The following SLCO2B1 variants were observed in gnomAD, a reference collection of about 807,000 sequenced individuals.
The protein encoded by SLCO2B1 is OATP-RP2.
In SLCO2B1, 41 loss-of-function variants were observed where a neutral mutation model predicts 67.3. That is an observed-to-expected ratio of 0.61 (90% CI 0.47 to 0.79). The LOEUF is 0.79. Among genes scored for constraint, SLCO2B1 ranks in the 30% least tolerant of loss-of-function variants. SLCO2B1 has a pLI of 0.00. For missense variants in SLCO2B1, 837 were observed against 920.1 expected (o/e 0.91, Z 1.17); for synonymous variants, 379 against 381.4 (o/e 0.99, Z 0.07).
chr11:75,172,318 G>A, intron 6 of SLCO2B1, 61 bp from the exon 7 acceptor site: 2 of 1,481,130 alleles, frequency 1.4e-6, no homozygotes, highest in South Asian at 2.6e-5. Flanking sequence ...TCCCAGGATG[G>A]CGGCTTAGAA....
chr11:75,189,390 G>T (rs1259322891), intron 8 of SLCO2B1, among the ~76,000 whole-genome samples: 1 of 152,156 alleles, frequency 6.6e-6, no homozygotes, highest in East Asian at 1.9e-4. Context: ...TGCTCTGCCT[G>T]TCTCAAGGGC....
chr11:75,197,097 C>CAA (rs1212591282), intron 10 of SLCO2B1, among the ~76,000 whole-genome samples: 4 of 152,338 alleles, frequency 2.6e-5, no homozygotes, highest in African/African-American at 9.6e-5. Flanking sequence ...GTCTGGGCAA[C>CAA]AAGAGTGAAA....
intron 7 of SLCO2B1, among the ~76,000 whole-genome samples, chr11:75,177,310 C>G (rs1265867965): frequency 6.6e-6 from 1 of 152,190 alleles, no homozygotes; most frequent in Non-Finnish European, 1.5e-5. Context: ...ACCAGCTGAG[C>G]TAGTCCAATA....
Position 75,193,617 on chromosome 11 carries a change from C to G in SLCO2B1, c.1433+42C>G, listed in dbSNP as rs757422537. The stretch of plus-strand genomic sequence containing the variant: ...GCACGTAAAGGCAAGCCTGGGAGGA[C>G]AGGACAGGGAGGACAGGGGCCCTGG... On this transcript the variant is annotated intron_variant, in intron 9 of 13. Coordinates refer to ENST00000289575, the MANE Select transcript of SLCO2B1 (RefSeq NM_007256.5). This position sits in a 1 kb window ranked among gnomAD's most constrained non-coding sequence, Gnocchi z 4.2. 14 of 1,495,572 alleles carry G rather than the reference C, an allele frequency of 9.4e-6. 1 individual carries two copies. The South Asian group carries it at 1.0e-4, about 11-fold the overall frequency. 92.6% of individuals were successfully genotyped at this position (1,495,572 alleles called of 1,614,324 possible).
intron 10 of SLCO2B1, 79 bp downstream of exon 10, chr11:75,196,758 A>G: frequency 4.7e-6 from 6 of 1,281,810 alleles, no homozygotes; most frequent in Non-Finnish European, 6.5e-6. Flanking sequence ...CATACTCTCC[A>G]CTTCTGCATG....
intron 10 of SLCO2B1, among the ~76,000 whole-genome samples, chr11:75,197,040 C>G (rs764492381): frequency 6.6e-6 from 1 of 152,162 alleles, no homozygotes; most frequent in African/African-American, 2.4e-5. Flanking sequence ...CACTTGAATC[C>G]GGGAGGCGGA....
chr11:75,187,227 T>C (rs1048504752), intron 7 of SLCO2B1, among the ~76,000 whole-genome samples: 3 of 152,180 alleles, frequency 2.0e-5, no homozygotes, highest in African/African-American at 7.2e-5. Context: ...CCGTTATTTA[T>C]CATTATTTCC....
intron 1 of SLCO2B1, among the ~76,000 whole-genome samples, chr11:75,161,801 G>A (rs956373281): frequency 6.6e-6 from 1 of 152,102 alleles, no homozygotes; most frequent in African/African-American, 2.4e-5. Context: ...TTGGACTTCT[G>A]GGCTCCCCAC....
At chr11:75,178,080 C>T (rs1591822256) in intron 7 of SLCO2B1, among the ~76,000 whole-genome samples, 1 of 131,306 alleles carries the variant, frequency 7.6e-6, no homozygotes, top group South Asian at 2.4e-4. Flanking sequence ...GACAACAGAG[C>T]AAGATTCCAT....
chr11:75,186,240 GCT>G (rs1316574190), intron 7 of SLCO2B1, among the ~76,000 whole-genome samples: 1 of 149,916 alleles, frequency 6.7e-6, no homozygotes, highest in Non-Finnish European at 1.5e-5. Context: ...AGGGAGTCTC[GCT>G]CTGTTGCCCA....
chr11:75,179,679 T>C (rs1474631215), intron 7 of SLCO2B1, among the ~76,000 whole-genome samples: 1 of 152,252 alleles, frequency 6.6e-6, no homozygotes, highest in Non-Finnish European at 1.5e-5. Context: ...ATAGAATGCA[T>C]CATTTCTTTG....
At position 75,169,168 on chromosome 11, in the gene SLCO2B1, C is replaced by T; in HGVS notation, c.449-5C>T. The T allele has an allele frequency of 6.2e-7, 1 of 1,607,688 alleles. No homozygotes were observed. The highest frequency in any genetic ancestry group is 8.5e-7 in the Non-Finnish European group (1 of 1,175,150). ...TTATAATATTTTTTCATTGTCGTCTCTCAGAGGATATGCCACAGGACTTCA... is the reference window on the plus strand; with the variant it reads ...TTATAATATTTTTTCATTGTCGTCTTTCAGAGGATATGCCACAGGACTTCA... On this transcript the variant is annotated splice_region_variant and splice_polypyrimidine_tract_variant and intron_variant, in intron 4 of 13. Transcript: ENST00000289575.
rs1023112273 is a variant in SLCO2B1, at chr11:75,200,326, G to A, written c.1702G>A (p.Val568Ile). 9 of 1,613,494 alleles carry A rather than the reference G, an allele frequency of 5.6e-6. No homozygotes were observed. In the South Asian group the frequency reaches 7.7e-5, roughly 14 times the overall value. ...TCTGGTGGTGCCCTTCCTGCTCCTG[G>A]TCAGCCTGGGCTCGGCCCTGGCCTG... The part of the protein sequence containing the change: ...SHLVVPFLLL[V>I]SLGSALACLT... The change falls in exon 11 of 14, where the codon GTC (valine) becomes ATC (isoleucine). Residue 568 changes from valine (V) to isoleucine (I), a missense_variant. Transcript: ENST00000289575.
intron 1 of SLCO2B1, among the ~76,000 whole-genome samples, chr11:75,154,785 C>T (rs959007519): frequency 3.3e-5 from 5 of 152,204 alleles, no homozygotes; most frequent in South Asian, 2.1e-4. Flanking sequence ...AGCCTGAAGA[C>T]GGTCATTTGG....
In SLCO2B1 at chr11:75,162,596, G is replaced by A. The variant is rs1001057643; in HGVS notation, c.17-59G>A. 2.4e-5 allele frequency: 37 copies of A among 1,572,830 alleles called. No homozygotes were observed. In the African/African-American group the frequency reaches 4.7e-4, roughly 20 times the overall value. On this transcript the variant is annotated intron_variant, in intron 1 of 13. Coordinates refer to ENST00000289575, the MANE Select transcript of SLCO2B1 (RefSeq NM_007256.5). ...TCTGAGGTCTAGGGCTATCTAATCA[G>A]GTCAGGGCCATTCTCGGGGATTCTA...
At chr11:75,204,139 A>C in intron 13 of SLCO2B1, 1 of 340,892 alleles carries the variant, frequency 2.9e-6, no homozygotes. Context: ...AGGCCCCCTG[A>C]GCCCTTGGGC....
At chr11:75,191,359 G>C (rs1945020827) in intron 8 of SLCO2B1, among the ~76,000 whole-genome samples, 2 of 152,138 alleles carry the variant, frequency 1.3e-5, no homozygotes, top group African/African-American at 4.8e-5. Flanking sequence ...AGCAGCTTAT[G>C]GCAAGAAGGC....
intron 3 of SLCO2B1, among the ~76,000 whole-genome samples, chr11:75,164,332 C>A (rs757473039): frequency 6.6e-6 from 1 of 152,136 alleles, no homozygotes; most frequent in African/African-American, 2.4e-5. Flanking sequence ...TGGAATATTT[C>A]GGAGCTAGCC....
intron 9 of SLCO2B1, among the ~76,000 whole-genome samples, chr11:75,194,064 C>T (rs758723016): frequency 9.2e-5 from 14 of 152,172 alleles, no homozygotes; most frequent in Non-Finnish European, 1.6e-4. Context: ...GGGACTCAGG[C>T]ACTGGGAAAA....
Sources: allele counts gnomAD v4.1 joint callset (sites outside exome capture counted in the v4.1 genomes callset), GRCh38; gene constraint gnomAD v4.1.1; non-coding constraint Gnocchi (gnomAD v3.1); transcripts MANE v1.5; gene names NCBI Gene and HGNC (gene_info 2026-07-23, HGNC 2026-07-21).